Variants in NFU1 observed in about 807,000 individuals in gnomAD.
The protein encoded by NFU1 is NFU1 iron-sulfur cluster scaffold.
In NFU1, 30 loss-of-function variants were observed where a neutral mutation model predicts 32.2. That is an observed-to-expected ratio of 0.93 (90% CI 0.70 to 1.26). The LOEUF is 1.26. Ranked by LOEUF, NFU1 falls within the 50% of genes most tolerant of loss-of-function variation. NFU1 has a pLI of 0.00. For missense variants in NFU1, 306 were observed against 306.6 expected (o/e 1.00, Z 0.02); for synonymous variants, 112 against 104.6 (o/e 1.07, Z -0.43).
chr2:69,421,562 CTTTTTTTTT>C (rs763705011), intron 3 of NFU1, among the ~76,000 whole-genome samples: 10 of 70,740 alleles, frequency 1.4e-4, no homozygotes, highest in African/African-American at 2.3e-4. Context: ...ATCATTTGTG[CTTTTTTTTT>C]TTTTTTTTTT....
rs185324896 is a variant in NFU1 at position 69,429,756 on chromosome 2, C to T, written c.166+2146G>A. The T allele has an allele frequency of 1.6e-3, 245 of 155,550 alleles. 3 individuals carry two copies. Among genetic ancestry groups the T allele is most frequent in the East Asian group, 1.9e-4 (1 of 5,192 alleles). The allele number at this position is 155,550 out of a possible 1,614,324, so 9.6% of individuals were successfully genotyped here. A position where few individuals can be genotyped will look rare whatever the true frequency, so the allele number is the denominator to read the frequency against. ...CTAAAAAACTAATTCAGGCTGGGCA[C>T]GGTGGCTCACGCCTATAATCCCAGC... is the stretch of plus-strand genomic sequence containing the variant. On this transcript the variant is annotated intron_variant, in intron 2 of 7. Coordinates refer to ENST00000410022, the MANE Select transcript of NFU1 (RefSeq NM_001002755.4).
At chr2:69,415,146 A>G (rs1340626327) in intron 5 of NFU1, 39 bp downstream of exon 5, 2 of 1,188,476 alleles carry the variant, frequency 1.7e-6, no homozygotes, top group African/African-American at 3.0e-5. Flanking sequence ...AAAAGTCTAA[A>G]AAAAGGACAA....
chr2:69,402,215 G>A (rs775981827), intron 6 of NFU1, among the ~76,000 whole-genome samples: 39 of 152,046 alleles, frequency 2.6e-4, no homozygotes, highest in Non-Finnish European at 4.1e-4. Flanking sequence ...CATCTTTTGC[G>A]AAGTACCTGC....
intron 7 of NFU1, among the ~76,000 whole-genome samples, chr2:69,397,550 A>G (rs188792081): frequency 1.5e-3 from 233 of 152,220 alleles, no homozygotes; most frequent in Non-Finnish European, 2.9e-3. Context: ...TCAATCCACC[A>G]AAGTATCAAC....
intron 5 of NFU1, chr2:69,410,912 G>A (rs1383424742): frequency 2.0e-5 from 3 of 152,098 alleles, no homozygotes; most frequent in Non-Finnish European, 4.4e-5. Flanking sequence ...AATTTACAAG[G>A]AAGAATAAAG....
chr2:69,404,615 A>ATTTTTTTTTTTTTTTTGTTTTTT (rs1672636138), intron 6 of NFU1, among the ~76,000 whole-genome samples: 1 of 73,008 alleles, frequency 1.4e-5, no homozygotes, highest in African/African-American at 6.3e-5. Flanking sequence ...ATCTTAGCAA[A>ATTTTTTTTTTTTTTTTGTTTTTT]TTTTTTTTTT....
At chr2:69,411,369 C>T (rs1157308270) in intron 5 of NFU1, among the ~76,000 whole-genome samples, 4 of 152,080 alleles carry the variant, frequency 2.6e-5, no homozygotes, top group South Asian at 4.1e-4. Flanking sequence ...CTTCCAAGTG[C>T]TTTACACTAA....
At chr2:69,437,742 G>A, upstream of NFU1, 5 of 481,050 alleles carry the variant, frequency 1.0e-5, no homozygotes, top group South Asian at 1.0e-4. Flanking sequence ...CCTTGCGAAT[G>A]CTGTTTCCAG....
At chr2:69,438,368 C>G (rs1673929830), upstream of NFU1, among the ~76,000 whole-genome samples, 1 of 152,028 alleles carries the variant, frequency 6.6e-6, no homozygotes, top group Non-Finnish European at 1.5e-5. Context: ...ATCCTCCAGC[C>G]TCAGCCTCCC....
chr2:69,418,894 A>G (rs1039912057), intron 4 of NFU1, among the ~76,000 whole-genome samples: 1 of 152,212 alleles, frequency 6.6e-6, no homozygotes, highest in Non-Finnish European at 1.5e-5. Flanking sequence ...TTCCGTGGAT[A>G]TATGTCAATT....
chr2:69,399,398 A>C (rs964428588), intron 7 of NFU1: 6 of 266,548 alleles, frequency 2.3e-5, no homozygotes, highest in South Asian at 2.2e-4. Flanking sequence ...GTATGTTGGC[A>C]AAAAAAAAAA....
At chr2:69,419,221 G>A (rs1281849436) in intron 4 of NFU1, among the ~76,000 whole-genome samples, 3 of 152,030 alleles carry the variant, frequency 2.0e-5, no homozygotes, top group Non-Finnish European at 4.4e-5. Flanking sequence ...TGGCGGGGGG[G>A]GGCGCCGAGG....
intron 6 of NFU1, among the ~76,000 whole-genome samples, chr2:69,400,903 T>C (rs1672502566): frequency 6.6e-6 from 1 of 152,188 alleles, no homozygotes; most frequent in Non-Finnish European, 1.5e-5. Flanking sequence ...TGAGCTATTA[T>C]CACACCAGTG....
intron 7 of NFU1, among the ~76,000 whole-genome samples, chr2:69,397,839 G>A (rs951987959): frequency 4.6e-5 from 7 of 151,090 alleles, no homozygotes; most frequent in East Asian, 1.9e-4. Context: ...ATTTGAACTC[G>A]GGAGGTGGAG....
At chr2:69,435,652 T>C (rs1271728232) in intron 1 of NFU1, among the ~76,000 whole-genome samples, 1 of 152,196 alleles carries the variant, frequency 6.6e-6, no homozygotes, top group Non-Finnish European at 1.5e-5. Context: ...AAGAGAACAA[T>C]GGAATCAACA....
At chr2:69,430,732 T>G (rs1402842669) in intron 2 of NFU1, among the ~76,000 whole-genome samples, 1 of 152,204 alleles carries the variant, frequency 6.6e-6, no homozygotes, top group Non-Finnish European at 1.5e-5. Flanking sequence ...TTTACAATAT[T>G]TATATCTAAG....
Position 69,400,414 on chromosome 2 carries a change from T to C in NFU1, c.670A>G (p.Ile224Val). The change falls in exon 7 of 8, where the codon ATT (isoleucine) becomes GTT (valine). Residue 224 changes from isoleucine to valine, a missense_variant. By Grantham distance (29) the Ile-to-Val change is conservative. Coordinates refer to ENST00000410022, the MANE Select transcript of NFU1 (RefSeq NM_001002755.4). Reference protein sequence around the residue: ...PSSIITLKNGIQNMLQFYIPE... With the variant: ...PSSIITLKNGVQNMLQFYIPE... ...ATATAAAACTGCAGCATGTTCTGAA[T>C]TCCATTTTTCAGAGTAATGATTGAA... 1 of 1,614,138 alleles carries C rather than the reference T, an allele frequency of 6.2e-7. No homozygotes were observed. Among genetic ancestry groups the C allele is most frequent in the Non-Finnish European group, 8.5e-7 (1 of 1,179,986 alleles).
At chr2:69,396,041 C>G (rs374496254), downstream of NFU1, 1 of 483,404 alleles carries the variant, frequency 2.1e-6, no homozygotes, top group Non-Finnish European at 3.6e-6. Context: ...TAAAAATATC[C>G]TTGGATAAAA....
At chr2:69,421,780 T>A (rs1424515863) in intron 3 of NFU1, among the ~76,000 whole-genome samples, 1 of 151,824 alleles carries the variant, frequency 6.6e-6, no homozygotes, top group Non-Finnish European at 1.5e-5. Context: ...TTAGCCAGGA[T>A]GCTCTCGATC....
Sources: allele counts gnomAD v4.1 joint callset (sites outside exome capture counted in the v4.1 genomes callset), GRCh38; gene constraint gnomAD v4.1.1; transcripts MANE v1.5; gene names NCBI Gene and HGNC (gene_info 2026-07-23, HGNC 2026-07-21).